Variants in MBNL1 observed in about 807,000 individuals in gnomAD.
MBNL1 encodes muscleblind-like protein 1.
In MBNL1, 8 loss-of-function variants were observed where a neutral mutation model predicts 42.2. The observed-to-expected ratio is 0.19, with a 90% confidence interval of 0.11 to 0.34. MBNL1 has a LOEUF of 0.34. Ranked by LOEUF, MBNL1 falls within the 10% of genes least tolerant of loss-of-function variation. The probability of loss-of-function intolerance (pLI) is 1.00; values close to 1 mark genes in which losing one functional copy is unlikely to be tolerated. For missense variants in MBNL1, 309 were observed against 495.3 expected (o/e 0.62, Z 3.57); for synonymous variants, 169 against 173.9 (o/e 0.97, Z 0.22).
At chr3:152,304,837 A>G (rs1019445793) in intron 2 of MBNL1, among the ~76,000 whole-genome samples, 1 of 152,190 alleles carries the variant, frequency 6.6e-6, no homozygotes, top group Non-Finnish European at 1.5e-5. Context: ...GAAACTAGTA[A>G]TTGTATTCAT....
At chr3:152,372,172 T>G (rs114780648) in intron 2 of MBNL1, among the ~76,000 whole-genome samples, 10,862 of 152,312 alleles carry the variant, frequency 0.071, 508 homozygotes, top group Middle Eastern at 0.16. Flanking sequence ...TGATTTTCTC[T>G]AGACTGGTTA....
At chr3:152,355,311 A>G (rs2095433327) in intron 2 of MBNL1, among the ~76,000 whole-genome samples, 1 of 152,246 alleles carries the variant, frequency 6.6e-6, no homozygotes, top group African/African-American at 2.4e-5. Flanking sequence ...GAGTTAGTAT[A>G]CACAAATGCC....
rs1219113252 is a variant in MBNL1 at position 152,450,998 on chromosome 3, TACAGAAGAATTAGATGATCAAG to T, written c.961+3226_961+3247del. Among the ~76,000 whole-genome samples, 5 of 152,190 alleles carry T rather than the reference TACAGAAGAATTAGATGATCAAG, an allele frequency of 3.3e-5. No individual in the cohort carries two copies. The East Asian group carries it at 9.6e-4, about 29-fold the overall frequency. On this transcript the variant is annotated intron_variant, in intron 6 of 9. Transcript: ENST00000324210. ...GTTTGGTTGTTCTGCAGACAAATAATACAGAAGAATTAGATGATCAAGGAATCCGATCTGAACACAATTTAAT... is the reference window on the plus strand; with the variant it reads ...GTTTGGTTGTTCTGCAGACAAATAATGAATCCGATCTGAACACAATTTAAT...
At chr3:152,337,871 ATTAT>A (rs2091462872) in intron 2 of MBNL1, among the ~76,000 whole-genome samples, 1 of 152,156 alleles carries the variant, frequency 6.6e-6, no homozygotes, top group Admixed American at 6.5e-5. Context: ...AACAATTTTA[ATTAT>A]TTATCAATTT....
At chr3:152,417,540 C>G (rs987060418) in intron 3 of MBNL1, among the ~76,000 whole-genome samples, 1 of 152,044 alleles carries the variant, frequency 6.6e-6, no homozygotes, top group South Asian at 2.1e-4. Flanking sequence ...TCTAACTTCT[C>G]TAGGGCCAGT....
chr3:152,340,401 T>C, intron 2 of MBNL1: 1 of 1,124,414 alleles, frequency 8.9e-7, no homozygotes. Flanking sequence ...AAGATTGTAA[T>C]GACAATGACT....
chr3:152,350,429 A>G (rs1489017068), intron 2 of MBNL1, among the ~76,000 whole-genome samples: 2 of 152,124 alleles, frequency 1.3e-5, no homozygotes, highest in Non-Finnish European at 2.9e-5. Context: ...AACTCTATAA[A>G]GAAATTCAAT....
chr3:152,436,923 A>G (rs1325642575), intron 4 of MBNL1, among the ~76,000 whole-genome samples: 1 of 152,178 alleles, frequency 6.6e-6, no homozygotes, highest in Non-Finnish European at 1.5e-5. Flanking sequence ...TCTTGTTAAC[A>G]GGATCTGATC....
intron 3 of MBNL1, 76 bp from the exon 4 acceptor site, chr3:152,432,641 G>A: frequency 2.3e-6 from 3 of 1,284,230 alleles, no homozygotes; most frequent in Non-Finnish European, 1.1e-6. Context: ...ATGGATGGAG[G>A]ACAAATGTAT....
At chr3:152,250,775 T>C (rs1208744020) in intron 2 of MBNL1, among the ~76,000 whole-genome samples, 12 of 151,896 alleles carry the variant, frequency 7.9e-5, no homozygotes. Flanking sequence ...ATAGCTCTTA[T>C]TATTTTGAGA....
chr3:152,332,748 G>GCC, intron 2 of MBNL1, among the ~76,000 whole-genome samples: 1 of 148,504 alleles, frequency 6.7e-6, no homozygotes, highest in East Asian at 2.0e-4. Context: ...GTGCGCGCGC[G>GCC]CATGCGCACA....
intron 1 of MBNL1, among the ~76,000 whole-genome samples, chr3:152,284,273 AAC>A (rs1282657630): frequency 6.6e-6 from 1 of 152,118 alleles, no homozygotes; most frequent in Non-Finnish European, 1.5e-5. Flanking sequence ...CAATTAGAGA[AAC>A]ACACTCCTGT....
At chr3:152,426,937 G>A (rs1275517021) in intron 3 of MBNL1, among the ~76,000 whole-genome samples, 2 of 152,222 alleles carry the variant, frequency 1.3e-5, no homozygotes, top group South Asian at 2.1e-4. Flanking sequence ...GATGCAGAAT[G>A]CTTTGAAGTC....
chr3:152,280,327 G>A (rs1048236830), intron 1 of MBNL1, among the ~76,000 whole-genome samples: 1 of 152,252 alleles, frequency 6.6e-6, no homozygotes, highest in African/African-American at 2.4e-5. Flanking sequence ...TAACTCTTTA[G>A]ATACTTTGTA....
At chr3:152,413,794 G>T (rs1408596616) in intron 2 of MBNL1, among the ~76,000 whole-genome samples, 3 of 152,148 alleles carry the variant, frequency 2.0e-5, no homozygotes, top group Non-Finnish European at 4.4e-5. Flanking sequence ...TGTCAAGGTG[G>T]TTGATGAGAT....
At chr3:152,247,348 A>G (rs190633103) in intron 2 of MBNL1, among the ~76,000 whole-genome samples, 1 of 152,188 alleles carries the variant, frequency 6.6e-6, no homozygotes, top group Admixed American at 6.6e-5. Flanking sequence ...ATATAATTAA[A>G]ATATGCTAAA....
At chr3:152,249,557 ATT>A (rs1284282580) in intron 2 of MBNL1, among the ~76,000 whole-genome samples, 2 of 138,510 alleles carry the variant, frequency 1.4e-5, no homozygotes, top group East Asian at 4.3e-4. Flanking sequence ...ATTTTCTCCC[ATT>A]TTGTAGGTTG....
chr3:152,422,468 CAA>C (rs1307191253), intron 3 of MBNL1, among the ~76,000 whole-genome samples: 1 of 152,128 alleles, frequency 6.6e-6, no homozygotes, highest in African/African-American at 2.4e-5. Flanking sequence ...TACAGACCTA[CAA>C]AGAGACTTAG....
intron 2 of MBNL1, among the ~76,000 whole-genome samples, chr3:152,410,263 A>G (rs548759952): frequency 1.6e-4 from 25 of 152,304 alleles, no homozygotes; most frequent in Admixed American, 5.9e-4. Context: ...CAAAAAAATT[A>G]TAGCAGTTTG....
Sources: allele counts gnomAD v4.1 joint callset (sites outside exome capture counted in the v4.1 genomes callset), GRCh38; gene constraint gnomAD v4.1.1; transcripts MANE v1.5; gene names NCBI Gene and HGNC (gene_info 2026-07-23, HGNC 2026-07-21).